The following PPP2R2B variants were observed in gnomAD, a reference collection of about 807,000 sequenced individuals.
The protein encoded by PPP2R2B is protein phosphatase 2 regulatory subunit Bbeta, also known as serine/threonine-protein phosphatase 2A 55 kDa regulatory subunit B beta isoform.
A neutral mutation model predicts 46.0 loss-of-function variants in PPP2R2B; 5 were observed. That is an observed-to-expected ratio of 0.11 (90% CI 0.06 to 0.23). The LOEUF (loss-of-function observed/expected upper bound fraction) is 0.23, where lower values mean the gene tolerates loss of function less well. Ranked by LOEUF, PPP2R2B falls within the 10% of genes least tolerant of loss-of-function variation. The pLI, the probability that PPP2R2B is intolerant of heterozygous loss-of-function variation, is 1.00. For synonymous variants in PPP2R2B, 215 were observed against 206.7 expected (o/e 1.04, Z -0.34); for missense variants, 367 against 575.0 (o/e 0.64, Z 3.70).
chr5:146,852,949 G>A (rs1015289000), intron 2 of PPP2R2B, among the ~76,000 whole-genome samples: 1 of 152,076 alleles, frequency 6.6e-6, no homozygotes. Flanking sequence ...AGCATTAAGA[G>A]GCAAGATTCT....
At chr5:146,876,279 AAAGAATGCCAT>A (rs1270076926) in intron 2 of PPP2R2B, among the ~76,000 whole-genome samples, 2 of 152,206 alleles carry the variant, frequency 1.3e-5, no homozygotes, top group East Asian at 3.8e-4. Context: ...TGAAAACAAT[AAAGAATGCCAT>A]TTTTAACTGA....
chr5:147,050,844 A>C (rs1192895609), intron 1 of PPP2R2B, among the ~76,000 whole-genome samples: 2 of 152,074 alleles, frequency 1.3e-5, no homozygotes, highest in African/African-American at 4.8e-5. Context: ...GTGTGTGTGT[A>C]GATTTCCAGC....
chr5:146,821,772 T>G (rs1441561039), intron 2 of PPP2R2B, among the ~76,000 whole-genome samples: 3 of 146,190 alleles, frequency 2.1e-5, no homozygotes, highest in African/African-American at 7.9e-5. Context: ...TGCCTAGTAC[T>G]CTGCCAAAAA....
intron 9 of PPP2R2B, among the ~76,000 whole-genome samples, chr5:146,591,798 T>C (rs1194937875): frequency 6.6e-6 from 1 of 152,192 alleles, no homozygotes; most frequent in Non-Finnish European, 1.5e-5. Flanking sequence ...TTGTCTCTAC[T>C]ACTTACTACT....
At chr5:146,804,090 C>T (rs999297219) in intron 2 of PPP2R2B, among the ~76,000 whole-genome samples, 49 of 152,058 alleles carry the variant, frequency 3.2e-4, no homozygotes, top group African/African-American at 1.1e-3. Flanking sequence ...TCGCTTGAAC[C>T]CGGGAGGTGG....
intron 1 of PPP2R2B, among the ~76,000 whole-genome samples, chr5:146,892,716 A>T (rs369583703): frequency 3.0e-4 from 45 of 152,274 alleles, no homozygotes; most frequent in African/African-American, 1.1e-3. Flanking sequence ...CTGGGAAAAG[A>T]GGTGCAGTTT....
At chr5:147,074,500 C>T (rs921125485) in intron 2 of PPP2R2B, among the ~76,000 whole-genome samples, 4 of 152,218 alleles carry the variant, frequency 2.6e-5, no homozygotes, top group East Asian at 1.9e-4. Context: ...TCTAAGAAAG[C>T]GTATTTGTCA....
At chr5:146,759,612 A>T (rs1057445438) in intron 2 of PPP2R2B, among the ~76,000 whole-genome samples, 1 of 152,130 alleles carries the variant, frequency 6.6e-6, no homozygotes, top group African/African-American at 2.4e-5. Flanking sequence ...TCCACCTTCC[A>T]AGTTGAATTA....
chr5:146,977,520 C>T (rs1752973910), intron 1 of PPP2R2B, among the ~76,000 whole-genome samples: 1 of 152,140 alleles, frequency 6.6e-6, no homozygotes, highest in Non-Finnish European at 1.5e-5. Flanking sequence ...TGCTATCCCT[C>T]CCCTAGCTCC....
At position 146,796,627 on chromosome 5, in the gene PPP2R2B, T is replaced by C. The variant is rs374503949; in HGVS notation, c.70+81375A>G. ...AGCAGAGGACCTGGCTCATAATTGATGATTAATAAGGATTTGCTGAATGAA... is the reference window on the plus strand; with the variant it reads ...AGCAGAGGACCTGGCTCATAATTGACGATTAATAAGGATTTGCTGAATGAA... On this transcript the variant is annotated intron_variant, in intron 2 of 9. Coordinates refer to ENST00000394411, the MANE Select transcript of PPP2R2B (RefSeq NM_181675.4). Among the ~76,000 whole-genome samples the C allele has an allele frequency of 2.3e-4, 35 of 152,280 alleles. 3 individuals are homozygous for C. The South Asian group carries it at 6.8e-3, about 30-fold the overall frequency.
At chr5:146,955,867 C>T (rs965691803) in intron 1 of PPP2R2B, among the ~76,000 whole-genome samples, 2 of 150,304 alleles carry the variant, frequency 1.3e-5, no homozygotes, top group Non-Finnish European at 2.9e-5. Flanking sequence ...CAGTCTCTAC[C>T]TCCTGGGTTC....
At chr5:146,904,420 T>C (rs1269268625) in intron 1 of PPP2R2B, among the ~76,000 whole-genome samples, 1 of 152,198 alleles carries the variant, frequency 6.6e-6, no homozygotes, top group Non-Finnish European at 1.5e-5. Flanking sequence ...AAATATCTAC[T>C]CAGCCTCTCA....
rs138365537 is a variant in PPP2R2B at position 146,800,666 on chromosome 5, C to G, written c.70+77336G>C. 3.8e-3 allele frequency among the ~76,000 whole-genome samples: 575 copies of G among 151,996 alleles called. 7 individuals are homozygous for G. The highest frequency in any genetic ancestry group is 0.013 in the African/African-American group (548 of 41,446). ...GGGTGGACTAGGTCACATAAAAAGTCATAAGCCCATCTATCGATTGGTTAC... is the reference window on the plus strand; with the variant it reads ...GGGTGGACTAGGTCACATAAAAAGTGATAAGCCCATCTATCGATTGGTTAC... On this transcript the variant is annotated intron_variant, in intron 2 of 9. Transcript: ENST00000394411.
chr5:146,653,112 A>G (rs1003403575), intron 5 of PPP2R2B, among the ~76,000 whole-genome samples: 1 of 152,170 alleles, frequency 6.6e-6, no homozygotes, highest in African/African-American at 2.4e-5. Context: ...TACTCATACA[A>G]ACAGAAAACT....
At chr5:146,692,770 T>G (rs113849381) in intron 4 of PPP2R2B, among the ~76,000 whole-genome samples, 34,970 of 151,674 alleles carry the variant, frequency 0.23, 5,036 homozygotes, top group African/African-American at 0.42. Flanking sequence ...TCCTGACCTC[T>G]TGATCCGCCT....
At chr5:146,746,392 A>C (rs1316930472) in intron 2 of PPP2R2B, among the ~76,000 whole-genome samples, 2 of 152,196 alleles carry the variant, frequency 1.3e-5, no homozygotes, top group African/African-American at 4.8e-5. Flanking sequence ...TTAAAAAAAA[A>C]AAGTCATATG....
intron 1 of PPP2R2B, among the ~76,000 whole-genome samples, chr5:146,955,828 G>T (rs1192679968): frequency 1.4e-5 from 2 of 148,050 alleles, no homozygotes; most frequent in Non-Finnish European, 3.0e-5. Context: ...ACCCAGGCAG[G>T]AGTGCAGTGG....
rs866306899 is a variant in PPP2R2B, at chr5:146,878,406, C to T, written c.-125+185G>A. ...GCCCCGAGGGGTCTGGTCCCGCCCGCCCGCCCCGGAGGCGCTCACAAGCGG... is the reference window on the plus strand; with the variant it reads ...GCCCCGAGGGGTCTGGTCCCGCCCGTCCGCCCCGGAGGCGCTCACAAGCGG... On this transcript the variant is annotated intron_variant, in intron 1 of 9. Transcript: ENST00000394411. This position sits in a 1 kb window ranked among gnomAD's most constrained non-coding sequence, Gnocchi z 4.5. 96 of 1,422,384 alleles carry T rather than the reference C, an allele frequency of 6.7e-5. No individual in the cohort carries two copies. Among genetic ancestry groups the T allele is most frequent in the Middle Eastern group, 5.2e-4 (2 of 3,818 alleles). 88.1% of individuals were successfully genotyped at this position (1,422,384 alleles called of 1,614,324 possible).
intron 2 of PPP2R2B, among the ~76,000 whole-genome samples, chr5:146,746,126 C>T (rs1582008312): frequency 6.6e-6 from 1 of 152,168 alleles, no homozygotes; most frequent in South Asian, 2.1e-4. Flanking sequence ...TGTGCTACAC[C>T]TGTGATGGCC....
Sources: gnomAD v4.1 joint callset for allele counts (sites outside exome capture counted in the v4.1 genomes callset) on GRCh38, gnomAD v4.1.1 for gene constraint, Gnocchi (gnomAD v3.1) non-coding constraint, MANE v1.5 for transcripts, NCBI Gene and HGNC (gene_info 2026-07-23, HGNC 2026-07-21) for gene names.